The following RGL1 variants were observed in gnomAD, a reference collection of about 807,000 sequenced individuals.
The protein encoded by RGL1 is ral guanine nucleotide dissociation stimulator like 1.
A neutral mutation model predicts 95.2 loss-of-function variants in RGL1; 24 were observed. The ratio of observed to expected loss-of-function variants is 0.25; its 90% confidence interval spans 0.18 to 0.35. The LOEUF (loss-of-function observed/expected upper bound fraction) is 0.35. RGL1 is among the 10% of genes least tolerant of loss of function. RGL1 has a pLI of 1.00. For missense variants in RGL1, 715 were observed against 936.3 expected, an observed-to-expected ratio of 0.76 and a Z score of 3.08; for synonymous variants, 329 against 344.9, an observed-to-expected ratio of 0.95 and a Z score of 0.51.
chr1:183,711,800 C>T (rs879072395), intron 1 of RGL1, among the ~76,000 whole-genome samples: 33 of 148,536 alleles, frequency 2.2e-4, no homozygotes, highest in African/African-American at 2.0e-4. Flanking sequence ...GGTGTGGGGG[C>T]GGGCGGAGAA....
chr1:183,777,174 G>A (rs1659648558), intron 2 of RGL1, among the ~76,000 whole-genome samples: 1 of 152,198 alleles, frequency 6.6e-6, no homozygotes, highest in Non-Finnish European at 1.5e-5. Context: ...AAACAGACTT[G>A]AAGATAGCCT....
At chr1:183,818,301 C>G (rs1334254816) in intron 2 of RGL1, among the ~76,000 whole-genome samples, 2 of 152,160 alleles carry the variant, frequency 1.3e-5, no homozygotes, top group African/African-American at 4.8e-5. Context: ...AAGACCTGGT[C>G]CTATTCTTAG....
At chr1:183,774,260 C>G (rs536722814) in intron 2 of RGL1, among the ~76,000 whole-genome samples, 5 of 152,280 alleles carry the variant, frequency 3.3e-5, no homozygotes, top group East Asian at 3.9e-4. Context: ...GGCCACTAAG[C>G]AGACATAAGA....
intron 1 of RGL1, among the ~76,000 whole-genome samples, chr1:183,651,926 C>T (rs1650784544): frequency 6.6e-6 from 1 of 152,150 alleles, no homozygotes; most frequent in Admixed American, 6.5e-5. Flanking sequence ...CAGAACTTGC[C>T]AAAACCAAGC....
chr1:183,856,199 G>T (rs1665130483), intron 3 of RGL1, among the ~76,000 whole-genome samples: 1 of 152,048 alleles, frequency 6.6e-6, no homozygotes, highest in African/African-American at 2.4e-5. Flanking sequence ...TAGAACAGAT[G>T]AGTTTAAATA....
chr1:183,670,300 G>A (rs916087696), intron 1 of RGL1, among the ~76,000 whole-genome samples: 1 of 152,178 alleles, frequency 6.6e-6, no homozygotes, highest in Non-Finnish European at 1.5e-5. Context: ...TCAAACCCCA[G>A]TAGGCTCTGG....
intron 1 of RGL1, among the ~76,000 whole-genome samples, chr1:183,702,369 T>C (rs957960272): frequency 6.6e-6 from 1 of 152,236 alleles, no homozygotes; most frequent in Non-Finnish European, 1.5e-5. Flanking sequence ...GACTTTTTGA[T>C]AAATAGTAGA....
intron 2 of RGL1, among the ~76,000 whole-genome samples, chr1:183,827,478 C>T (rs184391114): frequency 7.9e-5 from 12 of 152,318 alleles, no homozygotes; most frequent in East Asian, 7.7e-4. Flanking sequence ...TATTGTAGGA[C>T]GTCAGTGGCC....
At chr1:183,837,122 C>T (rs2102505277) in intron 2 of RGL1, among the ~76,000 whole-genome samples, 1 of 152,272 alleles carries the variant, frequency 6.6e-6, no homozygotes, top group South Asian at 2.1e-4. Context: ...GCTACCCTTC[C>T]CCGTACTCTC....
At chr1:183,784,068 T>A (rs143950942) in intron 2 of RGL1, among the ~76,000 whole-genome samples, 1 of 152,282 alleles carries the variant, frequency 6.6e-6, no homozygotes, top group East Asian at 1.9e-4. Context: ...TTGTCATAGC[T>A]ACAGATAATT....
intron 1 of RGL1, chr1:183,742,066 A>G (rs1002059702): frequency 2.1e-6 from 3 of 1,412,202 alleles, no homozygotes. Flanking sequence ...ATTTGCTTCG[A>G]TGTCTCTTTT....
intron 2 of RGL1, among the ~76,000 whole-genome samples, chr1:183,817,711 G>T (rs926877328): frequency 5.9e-5 from 9 of 152,158 alleles, no homozygotes; most frequent in Admixed American, 3.3e-4. Context: ...ATTTACTTAT[G>T]TTAAGTGTTA....
At chr1:183,683,954 A>G (rs1009360898) in intron 1 of RGL1, among the ~76,000 whole-genome samples, 2 of 151,820 alleles carry the variant, frequency 1.3e-5, no homozygotes, top group African/African-American at 2.4e-5. Context: ...CGCTTGTTCA[A>G]TTTGGCTATT....
chr1:183,780,480 T>C (rs1237950756), intron 2 of RGL1, among the ~76,000 whole-genome samples: 1 of 152,220 alleles, frequency 6.6e-6, no homozygotes, highest in Non-Finnish European at 1.5e-5. Flanking sequence ...AATTATCCAA[T>C]AAGTCTTCTC....
intron 2 of RGL1, among the ~76,000 whole-genome samples, chr1:183,742,824 C>T (rs951769591): frequency 2.0e-5 from 3 of 151,594 alleles, no homozygotes; most frequent in South Asian, 2.1e-4. Flanking sequence ...TTTTATTATG[C>T]GTTTGAGGTA....
chr1:183,887,014 T>A (rs920681010), intron 7 of RGL1, among the ~76,000 whole-genome samples: 2 of 152,004 alleles, frequency 1.3e-5, no homozygotes, highest in African/African-American at 4.8e-5. Context: ...ATTTGCATGA[T>A]GTATCTGTTC....
chr1:183,806,247 T>C, intron 1 of RGL1, 128 bp from the exon 2 acceptor site: 1 of 640,828 alleles, frequency 1.6e-6, no homozygotes, highest in Non-Finnish European at 2.7e-6. Flanking sequence ...CGGATTGTAA[T>C]ATTTATTTTG....
intron 1 of RGL1, among the ~76,000 whole-genome samples, chr1:183,665,718 G>T (rs1010823247): frequency 6.6e-6 from 1 of 152,066 alleles, no homozygotes; most frequent in African/African-American, 2.4e-5. Flanking sequence ...TGTGAGATCC[G>T]TAGTGATGAT....
At chr1:183,712,286 A>C (rs1655331369) in intron 1 of RGL1, among the ~76,000 whole-genome samples, 1 of 152,190 alleles carries the variant, frequency 6.6e-6, no homozygotes, top group Non-Finnish European at 1.5e-5. Flanking sequence ...CAGCAGGAGG[A>C]GGCCGTGAGG....
Sources: allele counts gnomAD v4.1 joint callset (sites outside exome capture counted in the v4.1 genomes callset), GRCh38; gene constraint gnomAD v4.1.1; transcripts MANE v1.5; gene names NCBI Gene and HGNC (gene_info 2026-07-23, HGNC 2026-07-21).